Variants in ACP7 observed in about 807,000 individuals in gnomAD.
ACP7 encodes the protein acid phosphatase type 7.
A neutral mutation model predicts 60.6 loss-of-function variants in ACP7; 58 were observed. The ratio of observed to expected loss-of-function variants is 0.96; its 90% CI spans 0.77 to 1.19. The LOEUF (loss-of-function observed/expected upper bound fraction) is 1.19, where lower values mean the gene tolerates loss of function less well. Among genes scored for constraint, ACP7 ranks in the 50% most tolerant of loss-of-function variants. The pLI is 0.00. For missense variants in ACP7, 574 were observed against 596.2 expected (o/e 0.96, Z 0.39); for synonymous variants, 237 against 232.6 (o/e 1.02, Z -0.17).
intron 11 of ACP7, among the ~76,000 whole-genome samples, chr19:39,105,783 A>AT (rs1335302146): frequency 1.3e-5 from 2 of 152,188 alleles, no homozygotes; most frequent in Non-Finnish European, 2.9e-5. Flanking sequence ...GAGTGCTGGA[A>AT]TTACAGGCGT....
chr19:39,085,446 G>C, intron 2 of ACP7, 56 bp downstream of exon 2: 5 of 1,533,114 alleles, frequency 3.3e-6, no homozygotes, highest in Non-Finnish European at 3.5e-6. Context: ...GCGGTGCTTC[G>C]TTGTTTGAGG....
chr19:39,099,361 G>T (rs1461989018), intron 4 of ACP7, among the ~76,000 whole-genome samples: 1 of 152,196 alleles, frequency 6.6e-6, no homozygotes, highest in East Asian at 1.9e-4. Context: ...CCCAACTCTG[G>T]CGCTCTTGCC....
At chr19:39,105,704 G>A (rs982228227) in intron 11 of ACP7, among the ~76,000 whole-genome samples, 24 of 151,934 alleles carry the variant, frequency 1.6e-4, no homozygotes, top group Non-Finnish European at 5.9e-5. Flanking sequence ...TATTGACAGG[G>A]TTTCGCCATG....
chr19:39,088,319 A>T (rs2073167057), intron 2 of ACP7, among the ~76,000 whole-genome samples: 1 of 152,194 alleles, frequency 6.6e-6, no homozygotes, highest in Non-Finnish European at 1.5e-5. Flanking sequence ...CACCATGCCC[A>T]GCAGAGAGAG....
Position 39,100,591 on chromosome 19 carries a change from A to T in ACP7, c.641A>T (p.Asn214Ile). The part of the protein sequence containing the change: ...GNHEERYNFS[N>I]YKARFSMPGD... ...TTCCTTTATTCCAGCAACTTCTCTA[A>T]CTACAAGGCTCGCTTCAGCATGCCG... Residue 214 changes from asparagine to isoleucine, a missense_variant, in exon 6 of 13, where the codon AAC becomes ATC. By Grantham distance (149) the Asn-to-Ile change is moderately radical (BLOSUM62 -3). Coordinates refer to ENST00000331256, the MANE Select transcript of ACP7 (RefSeq NM_001004318.3). 6.2e-7 allele frequency: 1 copy of T among 1,613,854 alleles called. No homozygotes were observed. Among genetic ancestry groups the T allele is most frequent in the South Asian group, 1.1e-5 (1 of 91,072 alleles).
Position 39,098,457 on chromosome 19 carries a change from G to A in ACP7, c.122-1G>A. 6.5e-7 allele frequency: 1 copy of A among 1,534,618 alleles called. No homozygotes were observed. Among genetic ancestry groups the A allele is most frequent in the Non-Finnish European group, 8.8e-7 (1 of 1,141,760 alleles). ...TCTACCCTCTGTCCCTTTCTCCCCA[G>A]GTGAGCCAGGCTCCATGACTGTAAC... On this transcript the variant is annotated splice_acceptor_variant, in intron 2 of 12. Coordinates refer to ENST00000331256, the MANE Select transcript of ACP7 (RefSeq NM_001004318.3). LOFTEE classifies it high-confidence loss of function.
At chr19:39,102,130 A>ACACACACC in intron 11 of ACP7, among the ~76,000 whole-genome samples, 1 of 149,452 alleles carries the variant, frequency 6.7e-6, no homozygotes. Context: ...TCACACACAC[A>ACACACACC]CACACACACA....
intron 2 of ACP7, among the ~76,000 whole-genome samples, chr19:39,087,682 G>T (rs1211934821): frequency 1.2e-4 from 17 of 147,164 alleles, no homozygotes; most frequent in Non-Finnish European, 1.0e-4. Flanking sequence ...TGGCCAGGCT[G>T]TAGTGCAATG....
Position 39,110,933 on chromosome 19 carries a change from T to C in ACP7, c.*815T>C, listed in dbSNP as rs915070968. ...CAGAGCTGACATCCTAACCAGAGAGTTGGACAAAAATCACGATAAATGAGT... is the reference window on the plus strand; with the variant it reads ...CAGAGCTGACATCCTAACCAGAGAGCTGGACAAAAATCACGATAAATGAGT... On this transcript the variant is annotated 3_prime_UTR_variant, in exon 13 of 13. Coordinates refer to ENST00000331256, the MANE Select transcript of ACP7 (RefSeq NM_001004318.3). 6.6e-6 allele frequency: 1 copy of C among 151,866 alleles called. No individual in the cohort carries two copies. Among genetic ancestry groups the C allele is most frequent in the African/African-American group, 2.4e-5 (1 of 41,320 alleles). The allele number at this position is 151,866 out of a possible 1,614,324, so 9.4% of individuals were successfully genotyped here.
At chr19:39,098,323 C>A in intron 2 of ACP7, 135 bp from the exon 3 acceptor site, 5 of 368,290 alleles carry the variant, frequency 1.4e-5, no homozygotes, top group Non-Finnish European at 2.3e-5. Context: ...TGGGATTGAA[C>A]TTGGGCAGTT....
intron 2 of ACP7, among the ~76,000 whole-genome samples, chr19:39,086,641 A>AG (rs34365418): frequency 0.037 from 2,756 of 74,896 alleles, 70 homozygotes; most frequent in Non-Finnish European, 0.059. Context: ...AAAAAAAAAA[A>AG]GGGGGGGGGG....
chr19:39,104,720 C>T (rs1322028712), intron 11 of ACP7, among the ~76,000 whole-genome samples: 1 of 152,006 alleles, frequency 6.6e-6, no homozygotes, highest in Non-Finnish European at 1.5e-5. Context: ...CCCGTCTCTA[C>T]TTAAAACACA....
intron 4 of ACP7, 47 bp downstream of exon 4, chr19:39,099,189 C>T: frequency 6.8e-7 from 1 of 1,462,054 alleles, no homozygotes; most frequent in Non-Finnish European, 8.9e-7. Flanking sequence ...GGGGCGCGCG[C>T]AGGGATGGTG....
At chr19:39,092,370 G>GTATATATATATATATA (rs59033785) in intron 2 of ACP7, among the ~76,000 whole-genome samples, 1 of 149,150 alleles carries the variant, frequency 6.7e-6, no homozygotes, top group Admixed American at 6.8e-5. Context: ...GCGAAACTCT[G>GTATATATATATATATA]TATATATATA....
chr19:39,098,850 C>T, intron 3 of ACP7, 110 bp from the exon 4 acceptor site: 1 of 1,481,768 alleles, frequency 6.7e-7, no homozygotes, highest in Non-Finnish European at 9.1e-7. Context: ...CATGGGCCAG[C>T]CCCCACCAGT....
intron 2 of ACP7, among the ~76,000 whole-genome samples, chr19:39,089,446 C>T (rs555089714): frequency 5.9e-5 from 9 of 152,226 alleles, no homozygotes; most frequent in Non-Finnish European, 1.2e-4. Context: ...TTCCTGTCTC[C>T]CCTCACTCAG....
chr19:39,104,408 G>T (rs749634589), intron 11 of ACP7, among the ~76,000 whole-genome samples: 16 of 152,084 alleles, frequency 1.1e-4, no homozygotes, highest in Non-Finnish European at 2.1e-4. Flanking sequence ...CAGTGCTTGG[G>T]CCTGACCCCG....
chr19:39,100,157 T>C (rs2073322173), intron 4 of ACP7, 70 bp from the exon 5 acceptor site: 3 of 1,586,434 alleles, frequency 1.9e-6, no homozygotes, highest in African/African-American at 1.3e-5. Context: ...TCACCATACC[T>C]GGCTCTCTCA....
intron 1 of ACP7, 134 bp downstream of exon 1, chr19:39,084,534 GC>G: frequency 8.2e-6 from 1 of 122,162 alleles, no homozygotes; most frequent in East Asian, 2.6e-4. Context: ...TGGGGGAAGG[GC>G]AGGGACGCTG....
Sources: gnomAD v4.1 joint callset for allele counts (sites outside exome capture counted in the v4.1 genomes callset) on GRCh38, gnomAD v4.1.1 for gene constraint, MANE v1.5 for transcripts, NCBI Gene and HGNC (gene_info 2026-07-23, HGNC 2026-07-21) for gene names.